Variants in NMRK1 observed in about 807,000 individuals in gnomAD.
NMRK1 encodes the protein NRK 1.
Under a neutral mutation model 29.9 loss-of-function variants are expected in NMRK1, and 28 were observed. The ratio of observed to expected loss-of-function variants is 0.94; its 90% confidence interval spans 0.69 to 1.28. The LOEUF (loss-of-function observed/expected upper bound fraction) is 1.28. Among genes scored for constraint, NMRK1 ranks in the 50% most tolerant of loss-of-function variants. NMRK1 has a pLI of 0.00. For missense variants in NMRK1, 218 were observed against 233.1 expected (o/e 0.94, Z 0.42); for synonymous variants, 58 against 73.0 (o/e 0.79, Z 1.05).
intron 1 of NMRK1, among the ~76,000 whole-genome samples, chr9:75,086,907 G>GTT (rs1481944775): frequency 2.9e-5 from 3 of 101,776 alleles, no homozygotes; most frequent in Non-Finnish European, 6.7e-5. Flanking sequence ...CTCAAGGCTG[G>GTT]GTTTTTTTTT....
rs551985720 is a variant in NMRK1, at chr9:75,084,522, C to T, written c.-35-1372G>A. ...ATAAAATAGCAGCAGGGCACTGTGG[C>T]TCATGCCTATAATCCCAGCACTTTG... is the stretch of plus-strand genomic sequence containing the variant. On this transcript the variant is annotated intron_variant, in intron 1 of 8. Coordinates refer to ENST00000361092, the MANE Select transcript of NMRK1 (RefSeq NM_017881.3). Among the ~76,000 whole-genome samples, 14 of 152,372 alleles carry T rather than the reference C, an allele frequency of 9.2e-5. No homozygotes were observed. In the East Asian group the frequency reaches 2.5e-3, roughly 27 times the overall value.
intron 6 of NMRK1, 132 bp downstream of exon 6, chr9:75,069,610 T>C: frequency 2.8e-6 from 2 of 715,850 alleles, no homozygotes; most frequent in Non-Finnish European, 2.3e-6. Context: ...TTTGCTCCTT[T>C]TGTAAAAGAG....
intron 4 of NMRK1, among the ~76,000 whole-genome samples, chr9:75,070,737 T>C (rs925978531): frequency 6.6e-6 from 1 of 152,186 alleles, no homozygotes; most frequent in African/African-American, 2.4e-5. Context: ...TGTTTTTTAG[T>C]GGAAGGTTTT....
Position 75,088,072 on chromosome 9 carries a change from C to G in NMRK1, c.-100G>C, listed in dbSNP as rs919752362. 6.5e-5 allele frequency: 10 copies of G among 153,044 alleles called. No homozygotes were observed. Among genetic ancestry groups the G allele is most frequent in the African/African-American group, 2.4e-4 (10 of 41,594 alleles). 9.5% of individuals were successfully genotyped at this position (153,044 alleles called of 1,614,324 possible). On this transcript the variant is annotated 5_prime_UTR_variant, in exon 1 of 9. Transcript: ENST00000361092. ...GCGACAGCCAAGCGCGCGCCTGTACCCAGTGCGCCGCTACCCGCAGCTCGC... is the reference window on the plus strand; with the variant it reads ...GCGACAGCCAAGCGCGCGCCTGTACGCAGTGCGCCGCTACCCGCAGCTCGC...
rs369713777 is a variant in NMRK1, at chr9:75,077,182, T to A, written c.146A>T (p.Lys49Ile). The A allele has an allele frequency of 4.6e-5, 73 of 1,596,326 alleles. No individual in the cohort carries two copies. In the African/African-American group the frequency reaches 8.5e-4, roughly 18 times the overall value. ...FKPESEIETD[K>I]NGFLQYDVLE... ...ACCATCGTACTGCAAAAATCCATTT[T>A]TATCTGTCTCTATCTCAGACTCTGG... is the stretch of plus-strand genomic sequence containing the variant. The change falls in exon 4 of 9, where the codon AAA (lysine) becomes ATA (isoleucine). Residue 49 changes from lysine to isoleucine, a missense_variant. Physicochemically the swap from Lys to Ile is moderately radical, Grantham distance 102. Coordinates refer to ENST00000361092, the MANE Select transcript of NMRK1 (RefSeq NM_017881.3).
chr9:75,074,444 G>C (rs1011439920), intron 4 of NMRK1, among the ~76,000 whole-genome samples: 1 of 151,856 alleles, frequency 6.6e-6, no homozygotes, highest in Non-Finnish European at 1.5e-5. Flanking sequence ...CTGGAGTGCA[G>C]TGGCATATCT....
At chr9:75,078,015 T>C (rs756537993) in intron 2 of NMRK1, among the ~76,000 whole-genome samples, 1 of 152,236 alleles carries the variant, frequency 6.6e-6, no homozygotes, top group Non-Finnish European at 1.5e-5. Context: ...CTTTCATAGA[T>C]AGTGCCTTAA....
chr9:75,069,702 G>C (rs1483838533), intron 6 of NMRK1, 40 bp downstream of exon 6: 5 of 1,528,156 alleles, frequency 3.3e-6, no homozygotes, highest in Non-Finnish European at 4.5e-6. Context: ...TACATTTTTT[G>C]TTTTGAATTA....
intron 4 of NMRK1, among the ~76,000 whole-genome samples, chr9:75,071,207 T>C (rs1399232516): frequency 3.9e-5 from 6 of 152,228 alleles, no homozygotes; most frequent in Admixed American, 6.5e-5. Flanking sequence ...TTGTTCAGAT[T>C]GAGTAATTTG....
chr9:75,061,626 C>A lies in NMRK1; in HGVS notation c.581-59G>T, dbSNP rs938494647. Reference sequence around the variant, plus strand: ...AATTCCAATTCTCATTTTATTAAATCTTTACATCAACAACAGTAAATCTAA... The same window carrying A: ...AATTCCAATTCTCATTTTATTAAATATTTACATCAACAACAGTAAATCTAA... On this transcript the variant is annotated intron_variant, in intron 8 of 8. Coordinates refer to ENST00000361092, the MANE Select transcript of NMRK1 (RefSeq NM_017881.3). 8.1e-6 allele frequency: 11 copies of A among 1,354,246 alleles called. No homozygotes were observed. The African/African-American group carries it at 1.3e-4, about 16-fold the overall frequency. The allele number at this position is 1,354,246 out of a possible 1,614,324, so 83.9% of individuals were successfully genotyped here.
At chr9:75,069,448 C>T in intron 6 of NMRK1, 1 of 471,920 alleles carries the variant, frequency 2.1e-6, no homozygotes, top group South Asian at 2.8e-5. Context: ...GTAGCTGTGG[C>T]AGAACAGGCT....
At chr9:75,069,583 C>G in intron 6 of NMRK1, 159 bp downstream of exon 6, 1 of 638,470 alleles carries the variant, frequency 1.6e-6, no homozygotes, top group Non-Finnish European at 2.7e-6. Context: ...TGCGGATGAC[C>G]ATTTATGGAA....
intron 2 of NMRK1, chr9:75,078,430 G>T (rs1824133792): frequency 3.9e-6 from 6 of 1,545,992 alleles, no homozygotes; most frequent in Middle Eastern, 1.7e-4. Context: ...CCAGTTATTT[G>T]TCTCTTCTGA....
rs1337482338 is a variant in NMRK1, at chr9:75,069,028, C to T, written c.464G>A (p.Arg155Lys). The change falls in exon 7 of 9, where the codon AGA becomes AAA. Residue 155 changes from arginine (R) to lysine (K), a missense_variant. By Grantham distance (26) the Arg-to-Lys change is conservative. Transcript: ENST00000361092. ...GHVWPMYLKY[R>K]QEMQDITWEV... ...CCATGTGATGTCCTGCATTTCTTGTCTGTACTTTAGATACATGGGCCACAC... is the reference window on the plus strand; with the variant it reads ...CCATGTGATGTCCTGCATTTCTTGTTTGTACTTTAGATACATGGGCCACAC... 6.2e-7 allele frequency: 1 copy of T among 1,614,124 alleles called. No homozygotes were observed. The highest frequency in any genetic ancestry group is 1.1e-5 in the South Asian group (1 of 91,078).
At chr9:75,083,250 G>T in intron 1 of NMRK1, 100 bp from the exon 2 acceptor site, 1 of 674,324 alleles carries the variant, frequency 1.5e-6, no homozygotes, top group Non-Finnish European at 2.6e-6. Context: ...GAGAGGGGAG[G>T]ATGACAGTGA....
intron 3 of NMRK1, 120 bp downstream of exon 3, chr9:75,077,370 G>A (rs534421568): frequency 2.3e-6 from 2 of 880,548 alleles, no homozygotes; most frequent in East Asian, 4.9e-5. Context: ...CCATTGCACT[G>A]AGCCTAATTT....
At chr9:75,071,072 T>A (rs1464118559) in intron 4 of NMRK1, among the ~76,000 whole-genome samples, 2 of 152,044 alleles carry the variant, frequency 1.3e-5, no homozygotes, top group Non-Finnish European at 2.9e-5. Context: ...GTTTTTTTTT[T>A]AAACCATTAC....
chr9:75,072,477 TA>T (rs1245695487), intron 4 of NMRK1, among the ~76,000 whole-genome samples: 31 of 152,348 alleles, frequency 2.0e-4, no homozygotes, highest in Admixed American at 1.8e-3. Flanking sequence ...AAGGAATAGA[TA>T]AGTGTTTTGC....
intron 1 of NMRK1, among the ~76,000 whole-genome samples, chr9:75,083,522 C>T (rs1008655905): frequency 2.0e-5 from 3 of 152,224 alleles, no homozygotes; most frequent in African/African-American, 7.2e-5. Context: ...GACTCATTAT[C>T]AGTGAGGGAG....
Sources: allele counts gnomAD v4.1 joint callset (sites outside exome capture counted in the v4.1 genomes callset), GRCh38; gene constraint gnomAD v4.1.1; transcripts MANE v1.5; gene names NCBI Gene and HGNC (gene_info 2026-07-23, HGNC 2026-07-21).